The following ITPR1 variants were observed in gnomAD, a reference collection of about 807,000 sequenced individuals.
ITPR1 encodes the protein inositol 1,4,5-trisphosphate-gated calcium channel ITPR1.
In ITPR1, 96 loss-of-function variants were observed where a neutral mutation model predicts 318.4. The observed-to-expected ratio is 0.30, with a 90% CI of 0.26 to 0.36. The LOEUF (loss-of-function observed/expected upper bound fraction) is 0.36, where lower values mean the gene tolerates loss of function less well. Among genes scored for constraint, ITPR1 ranks in the 10% least tolerant of loss-of-function variants. The probability of loss-of-function intolerance (pLI) is 1.00; values close to 1 mark genes in which losing one functional copy is unlikely to be tolerated. For synonymous variants in ITPR1, 1,312 were observed against 1,289.9 expected, an observed-to-expected ratio of 1.02 and a Z score of -0.37; for missense variants, 2,440 against 3,460.2, an observed-to-expected ratio of 0.71 and a Z score of 7.40.
At chr3:4,753,009 G>A (rs897473096) in intron 44 of ITPR1, among the ~76,000 whole-genome samples, 20 of 152,100 alleles carry the variant, frequency 1.3e-4, no homozygotes, top group African/African-American at 3.9e-4. Flanking sequence ...GCCACGAAGC[G>A]TGGCCAGGGA....
At chr3:4,624,406 C>T (rs751043934) in intron 4 of ITPR1, among the ~76,000 whole-genome samples, 11 of 152,158 alleles carry the variant, frequency 7.2e-5, no homozygotes, top group Admixed American at 2.6e-4. Context: ...CAGTGTCTCA[C>T]GCCTGTAATC....
intron 4 of ITPR1, among the ~76,000 whole-genome samples, chr3:4,524,484 C>T (rs560174651): frequency 6.6e-6 from 1 of 152,180 alleles, no homozygotes; most frequent in South Asian, 2.1e-4. Flanking sequence ...GGACTCGTTG[C>T]ACCCTAGAGT....
At position 4,515,444 on chromosome 3, in the gene ITPR1, TG is replaced by T. The variant is rs2082111624; in HGVS notation, c.-16-1029del. On this transcript the variant is annotated intron_variant, in intron 2 of 61. Transcript: ENST00000649015. The stretch of plus-strand genomic sequence containing the variant: ...GGGTCTGGGTTTGGAGGAGGGGTTT[TG>T]GGAAAACCTGGGTTGCCCTGGGCAT... 3.3e-5 allele frequency among the ~76,000 whole-genome samples: 5 copies of T among 152,144 alleles called. No individual in the cohort carries two copies. The South Asian group carries it at 1.0e-3, about 32-fold the overall frequency.
intron 4 of ITPR1, among the ~76,000 whole-genome samples, chr3:4,592,028 C>T (rs559780461): frequency 6.6e-6 from 1 of 152,264 alleles, no homozygotes; most frequent in Non-Finnish European, 1.5e-5. Context: ...TGCCCTTGAT[C>T]CATGTTTCTT....
chr3:4,718,709 G>C (rs2041939718), intron 40 of ITPR1, among the ~76,000 whole-genome samples: 2 of 152,174 alleles, frequency 1.3e-5, no homozygotes, highest in Admixed American at 1.3e-4. Flanking sequence ...GCAGGTGAGA[G>C]GGCCATGCCT....
intron 44 of ITPR1, among the ~76,000 whole-genome samples, chr3:4,757,992 G>C (rs944326542): frequency 3.9e-5 from 6 of 152,156 alleles, no homozygotes; most frequent in African/African-American, 1.4e-4. Context: ...GAGTTGATGT[G>C]AAAAGAGAAA....
rs2046709351 is a variant in ITPR1, at chr3:4,779,838, TTTGC to T, written c.6387+195_6387+198del. On this transcript the variant is annotated intron_variant, in intron 49 of 61. Coordinates refer to ENST00000649015, the MANE Select transcript of ITPR1 (RefSeq NM_001378452.1). The surrounding 1 kb of genome is among the most constrained non-coding windows in gnomAD (Gnocchi z 4.0). ...GGTTGGTGCAAAAGTAATCGCGGTT[TTTGC>T]TATTACTTTCAATGGCAAAACCACT... 6.7e-6 allele frequency among the ~76,000 whole-genome samples: 1 copy of T among 149,968 alleles called. No individual in the cohort carries two copies. Among genetic ancestry groups the T allele is most frequent in the Non-Finnish European group, 1.5e-5 (1 of 67,412 alleles).
intron 12 of ITPR1, among the ~76,000 whole-genome samples, chr3:4,655,915 AC>A (rs974807245): frequency 3.3e-5 from 5 of 151,906 alleles, no homozygotes; most frequent in South Asian, 2.1e-4. Flanking sequence ...GGAGGACCCC[AC>A]CCCCCTCATA....
At chr3:4,709,150 G>C (rs986267794) in intron 37 of ITPR1, among the ~76,000 whole-genome samples, 9 of 152,138 alleles carry the variant, frequency 5.9e-5, no homozygotes, top group African/African-American at 1.9e-4. Context: ...GGATGCTATG[G>C]GGGGAACTGA....
intron 36 of ITPR1, among the ~76,000 whole-genome samples, chr3:4,703,831 T>C (rs2094703728): frequency 6.6e-6 from 1 of 152,220 alleles, no homozygotes; most frequent in African/African-American, 2.4e-5. Context: ...TTTTTATTAT[T>C]GGTGTGGCCG....
chr3:4,747,963 C>A (rs1291212098), intron 44 of ITPR1, among the ~76,000 whole-genome samples: 1 of 152,234 alleles, frequency 6.6e-6, no homozygotes, highest in Non-Finnish European at 1.5e-5. Flanking sequence ...GCACCAGATA[C>A]TCCCCACATC....
intron 51 of ITPR1, among the ~76,000 whole-genome samples, chr3:4,785,865 G>A (rs140944017): frequency 1.3e-5 from 2 of 152,310 alleles, no homozygotes; most frequent in Non-Finnish European, 2.9e-5. Flanking sequence ...ATCTTAAATG[G>A]TAAAGAGAAG....
At position 4,507,648 on chromosome 3, in the gene ITPR1, T is replaced by G. The variant is rs542786896; in HGVS notation, c.-16-8828T>G. Among the ~76,000 whole-genome samples the G allele has an allele frequency of 1.2e-4, 19 of 152,306 alleles. 1 individual carries two copies. Among genetic ancestry groups the G allele is most frequent in the South Asian group, 4.1e-4 (2 of 4,826 alleles). The stretch of plus-strand genomic sequence containing the variant: ...GCAGTCCAGAAGTTCTGCAGTGGGA[T>G]GGGTCATTAAAAAATTATAAAGCAT... On this transcript the variant is annotated intron_variant, in intron 2 of 61. Transcript: ENST00000649015.
chr3:4,644,793 C>A (rs1469832211), intron 8 of ITPR1, among the ~76,000 whole-genome samples: 1 of 152,198 alleles, frequency 6.6e-6, no homozygotes, highest in African/African-American at 2.4e-5. Context: ...GTCTGCCTTT[C>A]CAAGCTCTGT....
rs370774955 is a variant in ITPR1 at position 4,656,521 on chromosome 3, T to C, written c.997-1603T>C. 1.8e-4 allele frequency among the ~76,000 whole-genome samples: 27 copies of C among 152,226 alleles called. 1 individual carries two copies. The South Asian group carries it at 3.7e-3, about 21-fold the overall frequency. On this transcript the variant is annotated intron_variant, in intron 12 of 61. Coordinates refer to ENST00000649015, the MANE Select transcript of ITPR1 (RefSeq NM_001378452.1). ...TTTGTGCAAGTAAAGGGATGAGCAA[T>C]TAGAGGAGAAATTGTGAGAAAGGGA...
intron 4 of ITPR1, among the ~76,000 whole-genome samples, chr3:4,550,406 G>A (rs1575499168): frequency 6.6e-6 from 1 of 152,202 alleles, no homozygotes; most frequent in African/African-American, 2.4e-5. Flanking sequence ...GGTCGTGACA[G>A]TGATTTTATT....
intron 56 of ITPR1, 81 bp downstream of exon 56, chr3:4,811,541 T>C (rs1332747431): frequency 2.6e-6 from 3 of 1,156,692 alleles, no homozygotes; most frequent in African/African-American, 1.5e-5. Flanking sequence ...ATAACGACTT[T>C]AGTAATGCAG....
intron 4 of ITPR1, among the ~76,000 whole-genome samples, chr3:4,571,495 C>T (rs539246358): frequency 7.9e-5 from 12 of 152,128 alleles, no homozygotes; most frequent in African/African-American, 2.2e-4. Context: ...CATGTTACCA[C>T]GCCTGGTTTA....
In ITPR1 at chr3:4,780,933, G is replaced by GC. The variant is rs3840250; in HGVS notation, c.6387+1294dup. 3.1e-4 allele frequency among the ~76,000 whole-genome samples: 47 copies of GC among 152,348 alleles called. No homozygotes were observed. The East Asian group carries it at 8.5e-3, about 27-fold the overall frequency. ...GGTGGCTGGCACCGGCTCTTGGGCA[G>GC]CCCCCCGGTGGTTGGAGAACATCAT... On this transcript the variant is annotated intron_variant, in intron 49 of 61. Coordinates refer to ENST00000649015, the MANE Select transcript of ITPR1 (RefSeq NM_001378452.1).
Sources: allele counts gnomAD v4.1 joint callset (sites outside exome capture counted in the v4.1 genomes callset), GRCh38; gene constraint gnomAD v4.1.1; non-coding constraint Gnocchi (gnomAD v3.1); transcripts MANE v1.5; gene names NCBI Gene and HGNC (gene_info 2026-07-23, HGNC 2026-07-21).